The following EHBP1 variants were observed in gnomAD, a reference collection of about 807,000 sequenced individuals.
EHBP1 encodes EH domain-binding protein 1.
Under a neutral mutation model 144.0 loss-of-function variants are expected in EHBP1, and 55 were observed. The observed-to-expected ratio is 0.38, with a 90% CI of 0.31 to 0.48. The LOEUF (loss-of-function observed/expected upper bound fraction) is 0.48. Among genes scored for constraint, EHBP1 ranks in the 20% least tolerant of loss-of-function variants. EHBP1 has a pLI of 0.98. For missense variants in EHBP1, 1,200 were observed against 1,364.2 expected (o/e 0.88, Z 1.90); for synonymous variants, 469 against 472.7 (o/e 0.99, Z 0.10).
chr2:62,845,187 T>G (rs184430024), intron 7 of EHBP1, among the ~76,000 whole-genome samples: 42 of 152,110 alleles, frequency 2.8e-4, no homozygotes, highest in Middle Eastern at 6.8e-3. Context: ...ATAAGGGACA[T>G]GCACATTTAT....
In EHBP1 at chr2:62,840,785, A is replaced by G. The variant is rs1391680700; in HGVS notation, c.634+9627A>G. 5.3e-5 allele frequency among the ~76,000 whole-genome samples: 8 copies of G among 151,874 alleles called. No individual in the cohort carries two copies. In the East Asian group the frequency reaches 7.8e-4, roughly 15 times the overall value. On this transcript the variant is annotated intron_variant, in intron 7 of 22. Transcript: ENST00000431489. The stretch of plus-strand genomic sequence containing the variant: ...CAGAGAAATGCAAATCAAAACCACT[A>G]TGAGATATCATCTCACACCAGTTAG...
At chr2:63,017,549 A>T (rs2153274917) in intron 19 of EHBP1, among the ~76,000 whole-genome samples, 1 of 152,254 alleles carries the variant, frequency 6.6e-6, no homozygotes, top group East Asian at 1.9e-4. Context: ...ATTTGCAACC[A>T]AGTACTTGGT....
chr2:62,787,394 G>GCCCCCTCCCCC (rs2042884569), intron 5 of EHBP1, among the ~76,000 whole-genome samples: 1 of 70,488 alleles, frequency 1.4e-5, no homozygotes, highest in Non-Finnish European at 2.8e-5. Flanking sequence ...CTGCACCGCT[G>GCCCCCTCCCCC]CCCCCCCCCC....
chr2:62,713,724 A>G (rs1172662568), intron 2 of EHBP1, among the ~76,000 whole-genome samples: 1 of 152,262 alleles, frequency 6.6e-6, no homozygotes, highest in Non-Finnish European at 1.5e-5. Context: ...TTATTCCTTG[A>G]AACAAAATAG....
rs575893941 is a variant in EHBP1 at position 62,798,584 on chromosome 2, A to G, written c.312+27192A>G. On this transcript the variant is annotated intron_variant, in intron 5 of 22. Transcript: ENST00000431489. ...GTATCTATAAAATGAAGATAATAAT[A>G]CACCTATTTCATAGAATTTTTGTGC... Among the ~76,000 whole-genome samples, 4 of 152,244 alleles carry G rather than the reference A, an allele frequency of 2.6e-5. No individual in the cohort carries two copies. The East Asian group carries it at 7.7e-4, about 29-fold the overall frequency.
intron 5 of EHBP1, among the ~76,000 whole-genome samples, chr2:62,790,296 GTTTGT>G (rs1279549294): frequency 6.6e-6 from 1 of 152,090 alleles, no homozygotes; most frequent in East Asian, 1.9e-4. Flanking sequence ...GTTTTTTGTT[GTTTGT>G]TTTGTTTTGT....
intron 19 of EHBP1, among the ~76,000 whole-genome samples, chr2:63,015,145 A>G (rs2060432206): frequency 6.6e-6 from 1 of 152,170 alleles, no homozygotes; most frequent in Non-Finnish European, 1.5e-5. Context: ...ATGTTTCTAT[A>G]TACTGTTCTT....
At chr2:62,848,058 C>A (rs1483563006) in intron 7 of EHBP1, among the ~76,000 whole-genome samples, 3 of 150,844 alleles carry the variant, frequency 2.0e-5, no homozygotes, top group African/African-American at 7.3e-5. Context: ...ATAATGGTAC[C>A]ATCACATAAT....
At chr2:62,749,576 G>C (rs1477773513) in intron 3 of EHBP1, among the ~76,000 whole-genome samples, 1 of 152,166 alleles carries the variant, frequency 6.6e-6, no homozygotes, top group Non-Finnish European at 1.5e-5. Flanking sequence ...CTTCCACAAT[G>C]GTTGAACTAG....
intron 8 of EHBP1, 61 bp downstream of exon 8, chr2:62,859,352 G>A: frequency 1.4e-6 from 2 of 1,466,318 alleles, no homozygotes; most frequent in Admixed American, 2.1e-5. Flanking sequence ...GAACTGTAAG[G>A]GCAGGAAAAT....
intron 14 of EHBP1, among the ~76,000 whole-genome samples, chr2:62,970,453 G>A (rs931048459): frequency 4.6e-5 from 7 of 151,972 alleles, no homozygotes; most frequent in Non-Finnish European, 8.8e-5. Context: ...ACAATTTTAC[G>A]AAGAGTATGG....
At chr2:62,695,700 C>A (rs537560522) in intron 1 of EHBP1, among the ~76,000 whole-genome samples, 1 of 152,056 alleles carries the variant, frequency 6.6e-6, no homozygotes, top group Non-Finnish European at 1.5e-5. Flanking sequence ...CAATTATACA[C>A]GTTTAATCCT....
intron 2 of EHBP1, among the ~76,000 whole-genome samples, chr2:62,741,866 A>G (rs1430918128): frequency 6.6e-6 from 1 of 152,214 alleles, no homozygotes; most frequent in African/African-American, 2.4e-5. Context: ...ACATTGTTGT[A>G]TTAGGTATAG....
intron 1 of EHBP1, among the ~76,000 whole-genome samples, chr2:62,682,208 CA>C: frequency 6.6e-6 from 1 of 152,142 alleles, no homozygotes; most frequent in Non-Finnish European, 1.5e-5. Flanking sequence ...GAGGACTTTC[CA>C]ATTTAAGATA....
At chr2:62,971,546 G>A (rs1008341572) in intron 14 of EHBP1, among the ~76,000 whole-genome samples, 18 of 152,154 alleles carry the variant, frequency 1.2e-4, no homozygotes, top group Non-Finnish European at 1.9e-4. Context: ...AAAATGCTCT[G>A]AATAGCAGTT....
At chr2:62,872,458 C>G (rs1013767706) in intron 9 of EHBP1, among the ~76,000 whole-genome samples, 2 of 151,980 alleles carry the variant, frequency 1.3e-5, no homozygotes, top group Admixed American at 6.6e-5. Flanking sequence ...TATTTGCTTA[C>G]ATTTATTTAT....
chr2:62,717,452 G>C (rs988614685), intron 2 of EHBP1, among the ~76,000 whole-genome samples: 3 of 152,194 alleles, frequency 2.0e-5, no homozygotes, highest in Admixed American at 2.0e-4. Context: ...ACTCAATAGG[G>C]ATGTTCATAT....
At chr2:62,996,391 A>C (rs1419653511) in intron 18 of EHBP1, among the ~76,000 whole-genome samples, 4 of 152,146 alleles carry the variant, frequency 2.6e-5, no homozygotes, top group Admixed American at 1.3e-4. Context: ...TTAACTTTTA[A>C]AATCTGGCAA....
At position 62,887,050 on chromosome 2, in the gene EHBP1, T is replaced by A. The variant is rs377729270; in HGVS notation, c.1185+12518T>A. ...TGAAGGTCCAGTGCTGATACAGTAG[T>A]CTCACAGTCATCAGGGATCCTATTA... On this transcript the variant is annotated intron_variant, in intron 10 of 22. Transcript: ENST00000431489. 7.9e-5 allele frequency among the ~76,000 whole-genome samples: 12 copies of A among 152,186 alleles called. No individual in the cohort carries two copies. The East Asian group carries it at 1.5e-3, about 20-fold the overall frequency.
Sources: allele counts gnomAD v4.1 joint callset (sites outside exome capture counted in the v4.1 genomes callset), GRCh38; gene constraint gnomAD v4.1.1; transcripts MANE v1.5; gene names NCBI Gene and HGNC (gene_info 2026-07-23, HGNC 2026-07-21).